The following CNGB3 variants were observed in gnomAD, a reference collection of about 807,000 sequenced individuals.
CNGB3 encodes the protein cyclic nucleotide-gated channel beta-3.
Under a neutral mutation model 92.8 loss-of-function variants are expected in CNGB3, and 86 were observed. The observed-to-expected ratio is 0.93, with a 90% CI of 0.78 to 1.11. The LOEUF (loss-of-function observed/expected upper bound fraction) is 1.11, where lower values mean the gene tolerates loss of function less well. Among genes scored for constraint, CNGB3 ranks in the 50% least tolerant of loss-of-function variants. The pLI, the probability that CNGB3 is intolerant of heterozygous loss-of-function variation, is 0.00. For synonymous variants in CNGB3, 333 were observed against 332.7 expected (o/e 1.00, Z -0.01); for missense variants, 1,026 against 956.8 (o/e 1.07, Z -0.95).
At chr8:86,645,541 T>A (rs1409681904) in intron 8 of CNGB3, among the ~76,000 whole-genome samples, 1 of 151,312 alleles carries the variant, frequency 6.6e-6, no homozygotes, top group African/African-American at 2.4e-5. Flanking sequence ...TTTAATGTGC[T>A]TCAAATCATA....
intron 14 of CNGB3, among the ~76,000 whole-genome samples, chr8:86,609,082 A>G (rs1249725477): frequency 2.0e-5 from 3 of 152,008 alleles, no homozygotes; most frequent in Admixed American, 1.3e-4. Flanking sequence ...ATTTGTCTCC[A>G]CTGATGTTTT....
At chr8:86,677,970 GAATT>G (rs1403922160) in intron 3 of CNGB3, among the ~76,000 whole-genome samples, 1 of 152,010 alleles carries the variant, frequency 6.6e-6, no homozygotes, top group Non-Finnish European at 1.5e-5. Context: ...TCTTAATTAA[GAATT>G]AATTCATTTT....
chr8:86,597,620 A>T (rs569057328), intron 15 of CNGB3, among the ~76,000 whole-genome samples: 2 of 151,914 alleles, frequency 1.3e-5, no homozygotes, highest in South Asian at 4.2e-4. Context: ...TGTGCAAAAA[A>T]CTCCCTGTGA....
At chr8:86,664,440 T>A (rs771067244) in intron 6 of CNGB3, among the ~76,000 whole-genome samples, 3 of 152,208 alleles carry the variant, frequency 2.0e-5, no homozygotes, top group Non-Finnish European at 2.9e-5. Flanking sequence ...GGAGGACATG[T>A]TCTGTGCAGC....
chr8:86,669,200 A>G (rs1201264906), intron 4 of CNGB3, among the ~76,000 whole-genome samples: 1 of 151,978 alleles, frequency 6.6e-6, no homozygotes, highest in African/African-American at 2.4e-5. Flanking sequence ...CTGTACACTT[A>G]ATATTTGTGG....
chr8:86,724,388 C>T (rs1209209309), intron 3 of CNGB3, among the ~76,000 whole-genome samples: 1 of 152,086 alleles, frequency 6.6e-6, no homozygotes, highest in Non-Finnish European at 1.5e-5. Context: ...TGGAGAGTCA[C>T]TTGTGTCTTG....
At chr8:86,694,441 G>A (rs1824402429) in intron 3 of CNGB3, among the ~76,000 whole-genome samples, 1 of 151,748 alleles carries the variant, frequency 6.6e-6, no homozygotes, top group South Asian at 2.1e-4. Context: ...CTGCCGGGCG[G>A]AGACGCTCCT....
intron 13 of CNGB3, among the ~76,000 whole-genome samples, chr8:86,623,301 T>C (rs1165456616): frequency 6.6e-6 from 1 of 152,098 alleles, no homozygotes; most frequent in Non-Finnish European, 1.5e-5. Flanking sequence ...AACAAACACA[T>C]CTGTTTTTGT....
chr8:86,729,681 G>C (rs546969929), intron 2 of CNGB3, among the ~76,000 whole-genome samples: 1 of 152,326 alleles, frequency 6.6e-6, no homozygotes, highest in East Asian at 1.9e-4. Context: ...GTCAACTATA[G>C]TTCAGTGTGG....
At chr8:86,660,447 C>T in intron 6 of CNGB3, 1 of 505,934 alleles carries the variant, frequency 2.0e-6, no homozygotes, top group Non-Finnish European at 4.0e-6. Context: ...GGTCTCAATG[C>T]TCCAAGCCCA....
intron 15 of CNGB3, among the ~76,000 whole-genome samples, chr8:86,580,190 C>CGGGG (rs71275867): frequency 7.1e-4 from 32 of 45,094 alleles, no homozygotes; most frequent in African/African-American, 1.8e-3. Flanking sequence ...GAGAATAGCA[C>CGGGG]GGGGGGGGTG....
chr8:86,738,495 C>T (rs1825283909), intron 2 of CNGB3, among the ~76,000 whole-genome samples: 1 of 152,108 alleles, frequency 6.6e-6, no homozygotes, highest in South Asian at 2.1e-4. Flanking sequence ...GTAGTGCAGA[C>T]ATAAGCTACT....
intron 3 of CNGB3, among the ~76,000 whole-genome samples, chr8:86,682,657 G>T (rs1019389268): frequency 6.6e-6 from 1 of 152,074 alleles, no homozygotes; most frequent in African/African-American, 2.4e-5. Context: ...GAAGGGAGGG[G>T]TTCCATTCAA....
chr8:86,735,063 T>C (rs1586043398), intron 2 of CNGB3, among the ~76,000 whole-genome samples: 1 of 146,438 alleles, frequency 6.8e-6, no homozygotes, highest in African/African-American at 2.5e-5. Context: ...TTTTTTTTTT[T>C]TTTTTTTGTA....
intron 1 of CNGB3, among the ~76,000 whole-genome samples, chr8:86,742,525 T>G (rs1487375175): frequency 1.3e-5 from 2 of 152,142 alleles, no homozygotes; most frequent in African/African-American, 2.4e-5. Flanking sequence ...ACCCGAACCA[T>G]TGGACTATGC....
intron 13 of CNGB3, among the ~76,000 whole-genome samples, chr8:86,621,218 T>C (rs1822720572): frequency 6.6e-6 from 1 of 152,206 alleles, no homozygotes; most frequent in Admixed American, 6.5e-5. Flanking sequence ...CTGTCACTTA[T>C]TCTCAATTAA....
intron 10 of CNGB3, among the ~76,000 whole-genome samples, chr8:86,638,886 C>T (rs975800899): frequency 2.0e-5 from 3 of 151,402 alleles, no homozygotes; most frequent in Admixed American, 6.6e-5. Context: ...CAAGGGTGAC[C>T]CTCTAGGAAT....
intron 17 of CNGB3, among the ~76,000 whole-genome samples, chr8:86,578,219 C>T (rs1378487158): frequency 6.6e-6 from 1 of 152,036 alleles, no homozygotes; most frequent in East Asian, 1.9e-4. Context: ...AAGGGTCATT[C>T]GTTTATAGTA....
chr8:86,679,788 A>T (rs7828029), intron 3 of CNGB3, among the ~76,000 whole-genome samples: 117,628 of 152,110 alleles, frequency 0.77, 46,807 homozygotes, highest in East Asian at 1. Context: ...GGCCTCCAAA[A>T]TTGTTGGGAT....
Sources: gnomAD v4.1 joint callset for allele counts (sites outside exome capture counted in the v4.1 genomes callset) on GRCh38, gnomAD v4.1.1 for gene constraint, MANE v1.5 for transcripts, NCBI Gene and HGNC (gene_info 2026-07-23, HGNC 2026-07-21) for gene names.